Variants in KIF3B observed in about 807,000 individuals in gnomAD.
The protein encoded by KIF3B is kinesin-like protein KIF3B.
A neutral mutation model predicts 74.3 loss-of-function variants in KIF3B; 38 were observed. The ratio of observed to expected loss-of-function variants is 0.51; its 90% CI spans 0.39 to 0.67. The LOEUF (loss-of-function observed/expected upper bound fraction) is 0.67, where lower values mean the gene tolerates loss of function less well. Among genes scored for constraint, KIF3B ranks in the 30% least tolerant of loss-of-function variants. The pLI is 0.00. For missense variants in KIF3B, 649 were observed against 932.0 expected (o/e 0.70, Z 3.95); for synonymous variants, 326 against 342.5 (o/e 0.95, Z 0.53).
chr20:32,317,880 A>G (rs1229244053), intron 5 of KIF3B, among the ~76,000 whole-genome samples: 1 of 152,158 alleles, frequency 6.6e-6, no homozygotes. Context: ...GGCTCAAGCA[A>G]TCCTCCTGTT....
chr20:32,294,368 G>A lies in KIF3B; in HGVS notation c.-65-15345G>A, dbSNP rs567543086. Among the ~76,000 whole-genome samples, 36 of 152,190 alleles carry A rather than the reference G, an allele frequency of 2.4e-4. 1 individual carries two copies. In the South Asian group the frequency reaches 3.9e-3, roughly 17 times the overall value. On this transcript the variant is annotated intron_variant, in intron 1 of 8. Transcript: ENST00000375712. Reference sequence around the variant, plus strand: ...TTAGGTTTCTTTCCGGAGAACTAGCGTGTCTTCTTCAGACATTTAAGCTGA... The same window carrying A: ...TTAGGTTTCTTTCCGGAGAACTAGCATGTCTTCTTCAGACATTTAAGCTGA...
chr20:32,302,728 CA>C (rs369184170), intron 1 of KIF3B, among the ~76,000 whole-genome samples: 215 of 152,236 alleles, frequency 1.4e-3, no homozygotes, highest in African/African-American at 4.9e-3. Flanking sequence ...CAGAGGATAT[CA>C]GGGGCTGGGA....
At chr20:32,322,714 A>T (rs28751113) in intron 5 of KIF3B, among the ~76,000 whole-genome samples, 747 of 67,864 alleles carry the variant, frequency 0.011, 126 homozygotes, top group African/African-American at 0.049. Context: ...ATATTTATAT[A>T]TATTTATATT....
rs751501042 is a variant in KIF3B at position 32,310,455 on chromosome 20, C to G, written c.678C>G (p.Ser226Arg). The part of the protein sequence containing the change: ...HAIFVITIEC[S>R]EVGLDGENHI... ...TTTTCGTTATCACTATTGAGTGCAG[C>G]GAGGTGGGCCTCGATGGTGAAAACC... is the stretch of plus-strand genomic sequence containing the variant. The change falls in exon 2 of 9, where the codon AGC (serine) becomes AGG (arginine). Residue 226 changes from serine to arginine, a missense_variant. Physicochemically the swap from Ser to Arg is moderately radical, Grantham distance 110. Coordinates refer to ENST00000375712, the MANE Select transcript of KIF3B (RefSeq NM_004798.4). The surrounding 1 kb of genome is among the most constrained non-coding windows in gnomAD (Gnocchi z 6.5). 1.2e-6 allele frequency: 2 copies of G among 1,613,878 alleles called. No homozygotes were observed. The highest frequency in any genetic ancestry group is 1.7e-6 in the Non-Finnish European group (2 of 1,180,046).
At chr20:32,278,607 G>A (rs371453857) in intron 1 of KIF3B, among the ~76,000 whole-genome samples, 1 of 152,104 alleles carries the variant, frequency 6.6e-6, no homozygotes, top group East Asian at 1.9e-4. Context: ...TCAGAGCAAG[G>A]GAGGTACTTC....
chr20:32,287,902 A>G (rs1392989127), intron 1 of KIF3B, among the ~76,000 whole-genome samples: 2 of 51,412 alleles, frequency 3.9e-5, no homozygotes, highest in Non-Finnish European at 6.0e-5. Flanking sequence ...TTTTTTTTTC[A>G]GATGGAGTCT....
At chr20:32,320,242 C>T (rs1221263736) in intron 5 of KIF3B, among the ~76,000 whole-genome samples, 1 of 152,062 alleles carries the variant, frequency 6.6e-6, no homozygotes, top group Non-Finnish European at 1.5e-5. Flanking sequence ...ACCACTTTCT[C>T]ATGAGATTCA....
At chr20:32,321,046 A>G (rs2047857288) in intron 5 of KIF3B, among the ~76,000 whole-genome samples, 1 of 152,060 alleles carries the variant, frequency 6.6e-6, no homozygotes, top group South Asian at 2.1e-4. Flanking sequence ...TAGGGTTTCA[A>G]GTACAGTGTT....
chr20:32,328,055 C>T (rs1176630861), intron 7 of KIF3B, among the ~76,000 whole-genome samples: 2 of 151,900 alleles, frequency 1.3e-5, no homozygotes, highest in Admixed American at 6.6e-5. Flanking sequence ...GAGCCAAGAT[C>T]ATGCCACAGC....
intron 1 of KIF3B, among the ~76,000 whole-genome samples, chr20:32,298,522 T>C (rs984672132): frequency 9.2e-5 from 14 of 152,212 alleles, no homozygotes; most frequent in African/African-American, 3.4e-4. Flanking sequence ...CCTTCCTGTT[T>C]TTGTTTTTTA....
chr20:32,319,360 T>C (rs1436211242), intron 5 of KIF3B, among the ~76,000 whole-genome samples: 1 of 151,990 alleles, frequency 6.6e-6, no homozygotes, highest in Non-Finnish European at 1.5e-5. Flanking sequence ...GATTTGCATA[T>C]TTCTCTGATG....
intron 1 of KIF3B, among the ~76,000 whole-genome samples, chr20:32,297,516 ACTG>A (rs141924788): frequency 0.014 from 2,162 of 152,232 alleles, 56 homozygotes; most frequent in African/African-American, 0.049. Flanking sequence ...AATTTTGTAA[ACTG>A]CTTTTTCATT....
chr20:32,311,417 C>T (rs540362150), intron 2 of KIF3B, among the ~76,000 whole-genome samples: 1 of 151,630 alleles, frequency 6.6e-6, no homozygotes, highest in South Asian at 2.1e-4. Context: ...TATGTATGCA[C>T]ATAGTATAAA....
intron 1 of KIF3B, among the ~76,000 whole-genome samples, chr20:32,305,570 CT>C (rs869049527): frequency 0.016 from 1,405 of 86,754 alleles, 14 homozygotes; most frequent in African/African-American, 0.054. Flanking sequence ...ACTCCCCCAC[CT>C]TTTTTTTTTT....
chr20:32,306,085 T>TA (rs1569198160), intron 1 of KIF3B, among the ~76,000 whole-genome samples: 1,380 of 119,016 alleles, frequency 0.012, 28 homozygotes, highest in African/African-American at 0.035. Context: ...AGACTCCATC[T>TA]GAAAAAAAAA....
At chr20:32,291,684 A>G (rs1199862498) in intron 1 of KIF3B, among the ~76,000 whole-genome samples, 1 of 147,402 alleles carries the variant, frequency 6.8e-6, no homozygotes, top group Non-Finnish European at 1.5e-5. Flanking sequence ...GGTGCGATCT[A>G]GGCCCACTGC....
chr20:32,311,195 A>C lies in KIF3B; in HGVS notation c.1404+14A>C. On this transcript the variant is annotated intron_variant, in intron 2 of 8. Transcript: ENST00000375712. Reference sequence around the variant, plus strand: ...GCCAAGATCAAGGTACCATACCCGTACCCTTCCTTAGGCCCTTGCCCTGTC... The same window carrying C: ...GCCAAGATCAAGGTACCATACCCGTCCCCTTCCTTAGGCCCTTGCCCTGTC... 1 of 1,584,856 alleles carries C rather than the reference A, an allele frequency of 6.3e-7. No individual in the cohort carries two copies. The highest frequency in any genetic ancestry group is 8.6e-7 in the Non-Finnish European group (1 of 1,166,394).
chr20:32,292,583 GAAAA>G (rs71185398), intron 1 of KIF3B, among the ~76,000 whole-genome samples: 19 of 71,822 alleles, frequency 2.6e-4, no homozygotes, highest in Non-Finnish European at 3.9e-4. Context: ...ACTAAAAATA[GAAAA>G]AAAAAAAAAA....
At chr20:32,300,554 C>T (rs892450796) in intron 1 of KIF3B, among the ~76,000 whole-genome samples, 1 of 152,170 alleles carries the variant, frequency 6.6e-6, no homozygotes, top group African/African-American at 2.4e-5. Flanking sequence ...GCTGGGATTA[C>T]AGGCGTGAGC....
Sources: gnomAD v4.1 joint callset for allele counts (sites outside exome capture counted in the v4.1 genomes callset) on GRCh38, gnomAD v4.1.1 for gene constraint, Gnocchi (gnomAD v3.1) non-coding constraint, MANE v1.5 for transcripts, NCBI Gene and HGNC (gene_info 2026-07-23, HGNC 2026-07-21) for gene names.